GLIS1: variants seen among roughly 807,000 people sequenced by gnomAD.
GLIS1 encodes the protein zinc finger protein GLIS1.
A neutral mutation model predicts 63.8 loss-of-function variants in GLIS1; 24 were observed. That is an observed-to-expected ratio of 0.38 (90% confidence interval 0.27 to 0.53). The LOEUF is 0.53. Among genes scored for constraint, GLIS1 ranks in the 20% least tolerant of loss-of-function variants. GLIS1 has a pLI of 0.85. For synonymous variants in GLIS1, 450 were observed against 482.5 expected (o/e 0.93, Z 0.88); for missense variants, 1,036 against 1,074.1 (o/e 0.96, Z 0.50).
At chr1:53,730,421 T>C (rs183611254) in intron 2 of GLIS1, among the ~76,000 whole-genome samples, 2 of 152,284 alleles carry the variant, frequency 1.3e-5, no homozygotes, top group Admixed American at 1.3e-4. Flanking sequence ...CGTTCCAAAA[T>C]AAACCCAATC....
At chr1:53,580,162 C>T (rs889003025) in intron 4 of GLIS1, among the ~76,000 whole-genome samples, 3 of 152,112 alleles carry the variant, frequency 2.0e-5, no homozygotes, top group African/African-American at 7.2e-5. Context: ...CTCTTACTGG[C>T]CATGGGACCT....
chr1:53,565,173 T>C (rs1440801631), intron 4 of GLIS1, among the ~76,000 whole-genome samples: 1 of 152,100 alleles, frequency 6.6e-6, no homozygotes, highest in African/African-American at 2.4e-5. Context: ...ACAATACTTA[T>C]TTACAATTTA....
intron 4 of GLIS1, among the ~76,000 whole-genome samples, chr1:53,543,238 C>T (rs934546416): frequency 4.6e-5 from 7 of 152,164 alleles, no homozygotes; most frequent in Admixed American, 2.0e-4. Context: ...TCCTCCCTCA[C>T]GGGGAAGTGG....
At chr1:53,569,992 G>A (rs984890881) in intron 4 of GLIS1, among the ~76,000 whole-genome samples, 7 of 151,972 alleles carry the variant, frequency 4.6e-5, no homozygotes, top group South Asian at 2.1e-4. Flanking sequence ...TCCTATTCCC[G>A]TTCCCCCCAA....
intron 2 of GLIS1, among the ~76,000 whole-genome samples, chr1:53,661,688 T>G (rs1401754715): frequency 1.3e-5 from 2 of 152,028 alleles, no homozygotes; most frequent in African/African-American, 4.8e-5. Flanking sequence ...CACCCGAGAC[T>G]CCTCCTCCCC....
chr1:53,511,286 C>T lies in GLIS1; in HGVS notation c.1884-1259G>A, dbSNP rs1644295981. Among the ~76,000 whole-genome samples the T allele has an allele frequency of 6.6e-6, 1 of 152,186 alleles. No individual in the cohort carries two copies. Among genetic ancestry groups the T allele is most frequent in the African/African-American group, 2.4e-5 (1 of 41,436 alleles). On this transcript the variant is annotated intron_variant, in intron 8 of 10. Coordinates refer to ENST00000628545, the MANE Select transcript of GLIS1 (RefSeq NM_001367484.1). This position sits in a 1 kb window ranked among gnomAD's most constrained non-coding sequence, Gnocchi z 4.2. ...GTCACAGCTCCAGGTGACCTCGTGA[C>T]CCTTGCCCACCCTCTGAGACACCAA... is the stretch of plus-strand genomic sequence containing the variant.
At chr1:53,524,609 A>G (rs1445086784) in intron 6 of GLIS1, among the ~76,000 whole-genome samples, 168 bp downstream of exon 6, 1 of 152,120 alleles carries the variant, frequency 6.6e-6, no homozygotes, top group Admixed American at 6.5e-5. Flanking sequence ...AGAGACACTA[A>G]GGGCAGGTGG....
At chr1:53,601,663 CAATT>C (rs1373899942) in intron 2 of GLIS1, among the ~76,000 whole-genome samples, 2 of 152,116 alleles carry the variant, frequency 1.3e-5, no homozygotes, top group African/African-American at 4.8e-5. Flanking sequence ...TGGGGAGGTT[CAATT>C]ACTCACCCAA....
At chr1:53,583,067 G>A (rs1645101471) in intron 4 of GLIS1, among the ~76,000 whole-genome samples, 1 of 152,218 alleles carries the variant, frequency 6.6e-6, no homozygotes, top group African/African-American at 2.4e-5. Context: ...TTGGGGTTCA[G>A]CAGATGCTGG....
chr1:53,536,465 G>T (rs950353668), intron 4 of GLIS1, among the ~76,000 whole-genome samples: 1 of 152,100 alleles, frequency 6.6e-6, no homozygotes, highest in African/African-American at 2.4e-5. Flanking sequence ...ACCTACCGTA[G>T]GCCAAGTGCT....
chr1:53,705,848 C>T (rs1646573918), intron 2 of GLIS1, among the ~76,000 whole-genome samples: 1 of 152,226 alleles, frequency 6.6e-6, no homozygotes, highest in African/African-American at 2.4e-5. Flanking sequence ...TGCCACTGAG[C>T]TTTCCCATCA....
At chr1:53,682,082 A>C (rs1280720798) in intron 2 of GLIS1, among the ~76,000 whole-genome samples, 1 of 152,218 alleles carries the variant, frequency 6.6e-6, no homozygotes, top group Non-Finnish European at 1.5e-5. Context: ...GCATGCAATA[A>C]ACTCTTGGCA....
chr1:53,648,200 A>T (rs986360372), intron 2 of GLIS1, among the ~76,000 whole-genome samples: 1 of 152,174 alleles, frequency 6.6e-6, no homozygotes, highest in African/African-American at 2.4e-5. Flanking sequence ...TAAAAAAAAG[A>T]CTTGAATAGG....
In GLIS1 at chr1:53,594,916, G is replaced by T. The variant is rs375888512; in HGVS notation, c.512C>A (p.Pro171His). 2.8e-5 allele frequency: 42 copies of T among 1,513,126 alleles called. No individual in the cohort carries two copies. The African/African-American group carries it at 5.8e-4, about 21-fold the overall frequency. 93.7% of individuals were successfully genotyped at this position (1,513,126 alleles called of 1,614,324 possible). A position where few individuals can be genotyped will look rare whatever the true frequency, so the allele number is the denominator to read the frequency against. The change falls in exon 4 of 11, where the codon CCC becomes CAC. Residue 171 changes from proline (P) to histidine (H), a missense_variant. Pro to His is a moderately conservative substitution (Grantham distance 77, BLOSUM62 -2). Transcript: ENST00000628545. ...GGCCTCTGCCATGGCTTGGTAGTCG[G>T]GCAAGGACTCCTGTTTGATGTGTTG... ...TTQHIKQESL[P>H]DYQAMAEART...
chr1:53,567,058 G>C lies in GLIS1; in HGVS notation c.1320+27050C>G, dbSNP rs377708543. 2.6e-5 allele frequency among the ~76,000 whole-genome samples: 4 copies of C among 152,328 alleles called. 1 individual carries two copies. ...TGGAGGGCTCAGAAGAAGATAGGAA[G>C]ATATGGGAAAGTTCGGAACTTCCTA... On this transcript the variant is annotated intron_variant, in intron 4 of 10. Coordinates refer to ENST00000628545, the MANE Select transcript of GLIS1 (RefSeq NM_001367484.1).
intron 4 of GLIS1, among the ~76,000 whole-genome samples, chr1:53,592,880 AC>A (rs1645206468): frequency 2.6e-5 from 4 of 152,222 alleles, no homozygotes; most frequent in African/African-American, 9.6e-5. Context: ...ATCCTGTCCG[AC>A]GCCCAGCTCC....
At chr1:53,669,363 T>C (rs1646127693) in intron 2 of GLIS1, among the ~76,000 whole-genome samples, 1 of 152,072 alleles carries the variant, frequency 6.6e-6, no homozygotes, top group African/African-American at 2.4e-5. Context: ...CCCCTATGTA[T>C]ATCACTACCA....
chr1:53,532,720 A>G (rs1402720575), intron 4 of GLIS1, among the ~76,000 whole-genome samples: 1 of 152,218 alleles, frequency 6.6e-6, no homozygotes, highest in Non-Finnish European at 1.5e-5. Context: ...TCTACAGCAG[A>G]GGACAATAAC....
chr1:53,699,959 A>G (rs1329622218), intron 2 of GLIS1, among the ~76,000 whole-genome samples: 2 of 152,210 alleles, frequency 1.3e-5, no homozygotes, highest in African/African-American at 2.4e-5. Context: ...TGAGGGAGAT[A>G]TACAACCCTA....
Sources: gnomAD v4.1 joint callset for allele counts (sites outside exome capture counted in the v4.1 genomes callset) on GRCh38, gnomAD v4.1.1 for gene constraint, Gnocchi (gnomAD v3.1) non-coding constraint, MANE v1.5 for transcripts, NCBI Gene and HGNC (gene_info 2026-07-23, HGNC 2026-07-21) for gene names.